USP16: variants seen among roughly 807,000 people sequenced by gnomAD.
USP16 encodes ubiquitin specific peptidase 16, also known as ubiquitin carboxyl-terminal hydrolase 16.
A neutral mutation model predicts 95.9 loss-of-function variants in USP16; 77 were observed. The observed-to-expected ratio is 0.80, with a 90% CI of 0.67 to 0.97. The LOEUF (loss-of-function observed/expected upper bound fraction) is 0.97. Ranked by LOEUF, USP16 falls within the 50% of genes least tolerant of loss-of-function variation. The pLI, the probability that USP16 is intolerant of heterozygous loss-of-function variation, is 0.00. For missense variants in USP16, 943 were observed against 959.9 expected (o/e 0.98, Z 0.23); for synonymous variants, 303 against 318.2 (o/e 0.95, Z 0.51).
intron 16 of USP16, among the ~76,000 whole-genome samples, chr21:29,050,693 G>C (rs1333289778): frequency 1.3e-5 from 2 of 152,304 alleles, no homozygotes; most frequent in East Asian, 1.9e-4. Context: ...GACTGGTAAC[G>C]TATGTAGTTC....
In USP16 at chr21:29,039,029, C is replaced by T; in HGVS notation, c.736C>T (p.Pro246Ser). The T allele has an allele frequency of 6.6e-7, 1 of 1,525,800 alleles. No homozygotes were observed. Among genetic ancestry groups the T allele is most frequent in the Non-Finnish European group, 8.8e-7 (1 of 1,137,664 alleles). 94.5% of individuals were successfully genotyped at this position (1,525,800 alleles called of 1,614,324 possible). A position where few individuals can be genotyped will look rare whatever the true frequency, so the allele number is the denominator to read the frequency against. Residue 246 changes from proline (P) to serine (S), a missense_variant, in exon 8 of 18, where the codon CCA (proline) becomes TCA (serine). Coordinates refer to ENST00000399976, the MANE Select transcript of USP16 (RefSeq NM_006447.3). ...TAATTTCTTTTCCCATATTCAGGAA[C>T]CATTAGAAATAAACCTTGAGCCTCC... ...IEPPDLALTEPLEINLEPPGP... is the reference protein window; with the variant it reads ...IEPPDLALTESLEINLEPPGP...
intron 6 of USP16, 24 bp from the exon 7 acceptor site, chr21:29,038,311 T>G: frequency 6.9e-7 from 1 of 1,459,680 alleles, no homozygotes; most frequent in Non-Finnish European, 9.4e-7. Flanking sequence ...AATTTTTCTC[T>G]TTTTTTTTCA....
At chr21:29,042,274 T>G (rs1363126666) in intron 11 of USP16, among the ~76,000 whole-genome samples, 170 bp downstream of exon 11, 1 of 152,170 alleles carries the variant, frequency 6.6e-6, no homozygotes, top group Non-Finnish European at 1.5e-5. Context: ...CCTTAAATCT[T>G]GAAGACGTTA....
In USP16 at chr21:29,054,351, C is replaced by T; in HGVS notation, c.*164C>T. On this transcript the variant is annotated 3_prime_UTR_variant, in exon 18 of 18. Transcript: ENST00000399976. ...GAAGGGAAAAATACCTAAAAATGTA[C>T]AAAGGTTTTATATTGTCATAGTGGT... 1.1e-6 allele frequency: 1 copy of T among 939,578 alleles called. No individual in the cohort carries two copies. Among genetic ancestry groups the T allele is most frequent in the South Asian group, 1.9e-5 (1 of 53,976 alleles). 58.2% of individuals were successfully genotyped at this position (939,578 alleles called of 1,614,324 possible).
At chr21:29,038,925 C>T in intron 7 of USP16, 101 bp from the exon 8 acceptor site, 5 of 1,217,662 alleles carry the variant, frequency 4.1e-6, no homozygotes, top group Non-Finnish European at 5.4e-6. Context: ...TGGGGCAGTT[C>T]TGTCAGGAAC....
chr21:29,032,665 C>T (rs992939308), intron 3 of USP16, among the ~76,000 whole-genome samples: 3 of 152,138 alleles, frequency 2.0e-5, no homozygotes, highest in Admixed American at 1.3e-4. Flanking sequence ...GTTTACCTGT[C>T]GAATGACAAC....
At chr21:29,048,681 G>T in intron 14 of USP16, 80 bp from the exon 15 acceptor site, 1 of 1,099,952 alleles carries the variant, frequency 9.1e-7, no homozygotes, top group Non-Finnish European at 1.3e-6. Flanking sequence ...TAGATGTTTG[G>T]AATGATTTTA....
At chr21:29,030,546 AAGTCATTTTTGAC>A in intron 2 of USP16, 36 bp from the exon 3 acceptor site, 1 of 1,434,260 alleles carries the variant, frequency 7.0e-7, no homozygotes, top group South Asian at 1.7e-5. Context: ...TAACTGAAGA[AAGTCATTTTTGAC>A]CTTATATATT....
intron 16 of USP16, chr21:29,053,073 T>A (rs1051265305): frequency 1.3e-5 from 2 of 152,210 alleles, no homozygotes; most frequent in African/African-American, 4.8e-5. Context: ...TGGAATGGCA[T>A]TTAAAGTCCT....
chr21:29,041,976 G>A lies in USP16; in HGVS notation c.1031-37G>A, dbSNP rs565839071. 24 of 1,524,992 alleles carry A rather than the reference G, an allele frequency of 1.6e-5. No individual in the cohort carries two copies. In the Admixed American group the frequency reaches 3.1e-4, roughly 20 times the overall value. 94.5% of individuals were successfully genotyped at this position (1,524,992 alleles called of 1,614,324 possible). On this transcript the variant is annotated intron_variant, in intron 10 of 17. Transcript: ENST00000399976. ...TTTCTTGTTTAATTAATTATATAACGGTAATTGGTAATTGATAGACTTTTT... is the reference window on the plus strand; with the variant it reads ...TTTCTTGTTTAATTAATTATATAACAGTAATTGGTAATTGATAGACTTTTT...
intron 14 of USP16, 29 bp downstream of exon 14, chr21:29,047,350 A>G (rs951451219): frequency 1.3e-5 from 21 of 1,573,028 alleles, no homozygotes; most frequent in Non-Finnish European, 1.8e-5. Flanking sequence ...TGTAAGTAAA[A>G]TTAATATTCA....
intron 12 of USP16, chr21:29,042,966 T>A (rs1484891557): frequency 6.4e-6 from 1 of 156,228 alleles, no homozygotes; most frequent in Non-Finnish European, 1.4e-5. Flanking sequence ...CAACTTCATA[T>A]GAATTATGAG....
Position 29,043,516 on chromosome 21 carries a change from A to T in USP16, c.1273A>T (p.Ile425Leu). The T allele has an allele frequency of 6.2e-7, 1 of 1,601,982 alleles. No homozygotes were observed. Among genetic ancestry groups the T allele is most frequent in the East Asian group, 2.3e-5 (1 of 44,166 alleles). Residue 425 changes from isoleucine (I) to leucine (L), a missense_variant, in exon 13 of 18, where the codon ATA becomes TTA. Physicochemically the swap from Ile to Leu is conservative, Grantham distance 5. Coordinates refer to ENST00000399976, the MANE Select transcript of USP16 (RefSeq NM_006447.3). Reference protein sequence around the residue: ...SEEEKDNDSYIKERSDIPSGT... With the variant: ...SEEEKDNDSYLKERSDIPSGT... Reference sequence around the variant, plus strand: ...GGAAGAAAAAGATAACGACAGTTACATAAAAGAGAGAAGTGATATTCCTTC... The same window carrying T: ...GGAAGAAAAAGATAACGACAGTTACTTAAAAGAGAGAAGTGATATTCCTTC...
intron 3 of USP16, 151 bp downstream of exon 3, chr21:29,030,924 G>C: frequency 1.3e-6 from 1 of 797,452 alleles, no homozygotes; most frequent in South Asian, 2.6e-5. Flanking sequence ...GTGTGTATAG[G>C]TGGTGGAGTG....
In USP16 at chr21:29,038,942, A is replaced by G. The variant is rs541743360; in HGVS notation, c.733-84A>G. 1,394 of 1,305,768 alleles carry G rather than the reference A, an allele frequency of 1.1e-3. 2 individuals are homozygous for G. The highest frequency in any genetic ancestry group is 1.4e-3 in the Non-Finnish European group (1,344 of 992,486). The allele number at this position is 1,305,768 out of a possible 1,614,324, so 80.9% of individuals were successfully genotyped here. On this transcript the variant is annotated intron_variant, in intron 7 of 17. Transcript: ENST00000399976. ...GGGCAGTTCTGTCAGGAACATTGGT[A>G]GTATATGTTAACTAATTAGATTTTA...
Position 29,047,257 on chromosome 21 carries a change from G to A in USP16, c.1947G>A (p.Ala649=), listed in dbSNP as rs755030216. ...QFTRNEKLRD[A]NKLLCEVCTR... The stretch of plus-strand genomic sequence containing the variant: ...CCCGTAATGAGAAACTTCGAGATGC[G>A]AATAAACTGCTTTGTGAAGTATGCA... Residue 649 remains alanine, a synonymous_variant, in exon 14 of 18, where the codon GCG becomes GCA. Transcript: ENST00000399976. The A allele has an allele frequency of 9.9e-6, 16 of 1,613,970 alleles. No homozygotes were observed. The highest frequency in any genetic ancestry group is 1.4e-5 in the Non-Finnish European group (16 of 1,180,012).
intron 14 of USP16, among the ~76,000 whole-genome samples, chr21:29,048,298 G>A (rs184038565): frequency 1.6e-4 from 24 of 152,118 alleles, no homozygotes; most frequent in African/African-American, 5.8e-4. Context: ...GGCCAGGGTG[G>A]TCTCAAACTC....
rs756433198 is a variant in USP16 at position 29,047,004 on chromosome 21, G to C, written c.1694G>C (p.Gly565Ala). ...TTAAATGGTGCCTACCTAACGGAAG[G>C]GAGCAATGGAGAAGTGGACATTTCC... is the stretch of plus-strand genomic sequence containing the variant. ...RNLNGAYLTE[G>A]SNGEVDISNG... The change falls in exon 14 of 18, where the codon GGG becomes GCG. Residue 565 changes from glycine (G) to alanine (A), a missense_variant. Gly to Ala is a moderately conservative substitution (Grantham distance 60). Transcript: ENST00000399976. 1 of 1,613,930 alleles carries C rather than the reference G, an allele frequency of 6.2e-7. No individual in the cohort carries two copies. The highest frequency in any genetic ancestry group is 1.3e-5 in the African/African-American group (1 of 74,874).
chr21:29,036,578 A>G (rs2085159892), intron 5 of USP16, among the ~76,000 whole-genome samples: 1 of 152,256 alleles, frequency 6.6e-6, no homozygotes, highest in Non-Finnish European at 1.5e-5. Flanking sequence ...TGAAGGCCAT[A>G]GACTAAGGTA....
Sources: allele counts gnomAD v4.1 joint callset (sites outside exome capture counted in the v4.1 genomes callset), GRCh38; gene constraint gnomAD v4.1.1; transcripts MANE v1.5; gene names NCBI Gene and HGNC (gene_info 2026-07-23, HGNC 2026-07-21).